The following ACSM2A variants were observed in gnomAD, a reference collection of about 807,000 sequenced individuals.
The protein encoded by ACSM2A is acyl-CoA synthetase medium chain family member 2A, also known as acyl-coenzyme A synthetase ACSM2A, mitochondrial.
A neutral mutation model predicts 76.6 loss-of-function variants in ACSM2A; 72 were observed. That is an observed-to-expected ratio of 0.94 (90% CI 0.78 to 1.14). The LOEUF is 1.14. Among genes scored for constraint, ACSM2A ranks in the 50% most tolerant of loss-of-function variants. The pLI is 0.00. For missense variants in ACSM2A, 684 were observed against 708.5 expected (o/e 0.97, Z 0.39); for synonymous variants, 249 against 255.9 (o/e 0.97, Z 0.26).
chr16:20,486,710 T>A lies in ACSM2A; in HGVS notation c.*32T>A. 1 of 1,610,288 alleles carries A rather than the reference T, an allele frequency of 6.2e-7. No homozygotes were observed. The stretch of plus-strand genomic sequence containing the variant: ...TAAGAGACATTCATTTGGATTCCCC[T>A]CTTCTTTCTCTTTCTTTTCCCTTTG... On this transcript the variant is annotated 3_prime_UTR_variant, in exon 14 of 14. Transcript: ENST00000573854.
rs1232022266 is a variant in ACSM2A at position 20,465,483 on chromosome 16, T to C, written c.178-34T>C. On this transcript the variant is annotated intron_variant, in intron 2 of 13. Transcript: ENST00000573854. ...TTTATCCTACCTGCTTGTGTACCAA[T>C]GCCCCCTGATCAACAGGGCTTCTCT... 1.9e-6 allele frequency: 3 copies of C among 1,610,198 alleles called. No individual in the cohort carries two copies. In the East Asian group the frequency reaches 6.7e-5, roughly 36 times the overall value.
At chr16:20,480,332 T>C (rs4638557) in intron 10 of ACSM2A, among the ~76,000 whole-genome samples, 17 of 152,262 alleles carry the variant, frequency 1.1e-4, no homozygotes, top group East Asian at 1.9e-4. Context: ...CAATAATATC[T>C]ATCAGACTGG....
rs1314651881 is a variant in ACSM2A at position 20,480,613 on chromosome 16, T to A, written c.1322T>A (p.Phe441Tyr). The A allele has an allele frequency of 6.2e-7, 1 of 1,613,576 alleles. No individual in the cohort carries two copies. The highest frequency in any genetic ancestry group is 8.5e-7 in the Non-Finnish European group (1 of 1,179,798). Residue 441 changes from phenylalanine to tyrosine, a missense_variant, in exon 11 of 14, where the codon TTT becomes TAT. By Grantham distance (22) the Phe-to-Tyr change is conservative (BLOSUM62 3). Coordinates refer to ENST00000573854, the MANE Select transcript of ACSM2A (RefSeq NM_001308172.2). ...DKTAANIRGDFWLLGDRGIKD... is the reference protein window; with the variant it reads ...DKTAANIRGDYWLLGDRGIKD... ...ACAGCAGCCAACATTCGAGGAGACT[T>A]TTGGCTCCTTGGAGACCGGGGAATC...
chr16:20,461,737 A>T (rs193000182), intron 2 of ACSM2A, among the ~76,000 whole-genome samples: 12 of 152,334 alleles, frequency 7.9e-5, no homozygotes, highest in African/African-American at 2.9e-4. Flanking sequence ...AATGCAAGTG[A>T]TAATTTTGCT....
Position 20,486,720 on chromosome 16 carries a change from C to G in ACSM2A, c.*42C>G. ...TCATTTGGATTCCCCTCTTCTTTCTCTTTCTTTTCCCTTTGGGCCCTTGGC... is the reference window on the plus strand; with the variant it reads ...TCATTTGGATTCCCCTCTTCTTTCTGTTTCTTTTCCCTTTGGGCCCTTGGC... On this transcript the variant is annotated 3_prime_UTR_variant, in exon 14 of 14. Transcript: ENST00000573854. 11 of 1,607,820 alleles carry G rather than the reference C, an allele frequency of 6.8e-6. No homozygotes were observed. The highest frequency in any genetic ancestry group is 9.4e-6 in the Non-Finnish European group (11 of 1,174,656).
At chr16:20,485,506 T>A (rs1261680852) in intron 13 of ACSM2A, among the ~76,000 whole-genome samples, 1 of 152,212 alleles carries the variant, frequency 6.6e-6, no homozygotes, top group Non-Finnish European at 1.5e-5. Context: ...TAGTAAATAT[T>A]TTAGGCTATG....
chr16:20,469,388 C>T (rs2013225671), intron 3 of ACSM2A, 124 bp from the exon 4 acceptor site: 5 of 1,502,270 alleles, frequency 3.3e-6, no homozygotes, highest in Non-Finnish European at 4.4e-6. Flanking sequence ...TTGACACTCT[C>T]TATTGGTCAT....
intron 13 of ACSM2A, 121 bp from the exon 14 acceptor site, chr16:20,486,453 G>T (rs4783532): frequency 3.0e-5 from 32 of 1,061,328 alleles, no homozygotes; most frequent in Middle Eastern, 2.2e-4. Flanking sequence ...TTATTGCACA[G>T]GGCAGCTGCC....
rs188219523 is a variant in ACSM2A, at chr16:20,482,665, C to T, written c.1510-393C>T. Reference sequence around the variant, plus strand: ...CTGTATATGATTTCATTTTATTTACCGTAAGTTAAATTTGGCAATTTTATC... The same window carrying T: ...CTGTATATGATTTCATTTTATTTACTGTAAGTTAAATTTGGCAATTTTATC... On this transcript the variant is annotated intron_variant, in intron 12 of 13. Transcript: ENST00000573854. 221 of 168,940 alleles carry T rather than the reference C, an allele frequency of 1.3e-3. 3 individuals are homozygous for T. In the South Asian group the frequency reaches 0.024, roughly 19 times the overall value. 10.5% of individuals were successfully genotyped at this position (168,940 alleles called of 1,614,324 possible).
chr16:20,472,220 A>G (rs1236475227), intron 6 of ACSM2A, among the ~76,000 whole-genome samples: 1 of 152,152 alleles, frequency 6.6e-6, no homozygotes, highest in African/African-American at 2.4e-5. Flanking sequence ...ATAATAAAAT[A>G]CCATAGTCTA....
intron 1 of ACSM2A, among the ~76,000 whole-genome samples, chr16:20,457,330 C>T (rs537905432): frequency 1.3e-5 from 2 of 152,150 alleles, no homozygotes; most frequent in Admixed American, 1.3e-4. Context: ...CAGTATTACC[C>T]TCATACCCAA....
intron 2 of ACSM2A, 72 bp from the exon 3 acceptor site, chr16:20,465,445 C>A: frequency 1.3e-6 from 2 of 1,562,982 alleles, no homozygotes; most frequent in Non-Finnish European, 1.7e-6. Flanking sequence ...CTTGGCAATC[C>A]CAAGACTTGG....
intron 13 of ACSM2A, among the ~76,000 whole-genome samples, 164 bp from the exon 14 acceptor site, chr16:20,486,410 T>C (rs1456339549): frequency 1.3e-5 from 2 of 152,250 alleles, no homozygotes; most frequent in Non-Finnish European, 2.9e-5. Flanking sequence ...CATCCTCTTA[T>C]TGTCCTCATC....
chr16:20,466,275 G>A lies in ACSM2A; in HGVS notation c.388+548G>A, dbSNP rs569199982. Among the ~76,000 whole-genome samples, 12 of 152,258 alleles carry A rather than the reference G, an allele frequency of 7.9e-5. No individual in the cohort carries two copies. In the South Asian group the frequency reaches 2.3e-3, roughly 29 times the overall value. ...CCAATGCTTTTCTAAAAGAAGACTT[G>A]AATTAACCAATATGAGGAGCAACTA... On this transcript the variant is annotated intron_variant, in intron 3 of 13. Coordinates refer to ENST00000573854, the MANE Select transcript of ACSM2A (RefSeq NM_001308172.2).
Position 20,476,007 on chromosome 16 carries a change from A to G in ACSM2A, c.1098+234A>G, listed in dbSNP as rs1055683278. 2.4e-4 allele frequency: 277 copies of G among 1,131,728 alleles called. 1 individual carries two copies. Among genetic ancestry groups the G allele is most frequent in the Non-Finnish European group, 3.1e-4 (271 of 869,794 alleles). The allele number at this position is 1,131,728 out of a possible 1,614,324, so 70.1% of individuals were successfully genotyped here. On this transcript the variant is annotated intron_variant, in intron 8 of 13. Transcript: ENST00000573854. The stretch of plus-strand genomic sequence containing the variant: ...TGAGATTTGGGGAGAGAGAAAATAA[A>G]CTAAGAAATATCTAGCATGGCAGGT...
intron 3 of ACSM2A, among the ~76,000 whole-genome samples, chr16:20,469,290 T>C (rs1466879577): frequency 1.3e-5 from 2 of 152,156 alleles, no homozygotes; most frequent in African/African-American, 4.8e-5. Context: ...TCAATTTCTT[T>C]TCTTTGTCTC....
chr16:20,469,853 TA>T, intron 4 of ACSM2A, 134 bp downstream of exon 4: 1 of 818,582 alleles, frequency 1.2e-6, no homozygotes. Context: ...TGGGAAGAAA[TA>T]AAAGCTAACA....
rs369489814 is a variant in ACSM2A, at chr16:20,477,585, G to A, written c.1179+136G>A. 2.0e-4 allele frequency: 285 copies of A among 1,424,534 alleles called. 1 individual carries two copies. In the African/African-American group the frequency reaches 3.6e-3, roughly 18 times the overall value. 88.2% of individuals were successfully genotyped at this position (1,424,534 alleles called of 1,614,324 possible). A position where few individuals can be genotyped will look rare whatever the true frequency, so the allele number is the denominator to read the frequency against. ...GATAACATAAGAAAAAAAGGAGGTA[G>A]GGAGGTTGGGGGAAGGAAAGAGTGA... is the stretch of plus-strand genomic sequence containing the variant. On this transcript the variant is annotated intron_variant, in intron 9 of 13. Coordinates refer to ENST00000573854, the MANE Select transcript of ACSM2A (RefSeq NM_001308172.2).
chr16:20,468,897 A>C (rs1314804867), intron 3 of ACSM2A, among the ~76,000 whole-genome samples: 1 of 152,184 alleles, frequency 6.6e-6, no homozygotes, highest in Non-Finnish European at 1.5e-5. Context: ...CATCACAAAA[A>C]AATGTTAAAT....
Sources: gnomAD v4.1 joint callset for allele counts (sites outside exome capture counted in the v4.1 genomes callset) on GRCh38, gnomAD v4.1.1 for gene constraint, MANE v1.5 for transcripts, NCBI Gene and HGNC (gene_info 2026-07-23, HGNC 2026-07-21) for gene names.